THSD7B: variants seen among roughly 807,000 people sequenced by gnomAD.
THSD7B encodes thrombospondin type 1 domain containing 7B.
Under a neutral mutation model 213.6 loss-of-function variants are expected in THSD7B, and 138 were observed. That is an observed-to-expected ratio of 0.65 (90% confidence interval 0.56 to 0.74). The LOEUF (loss-of-function observed/expected upper bound fraction) is 0.74, where lower values mean the gene tolerates loss of function less well. THSD7B is among the 30% of genes least tolerant of loss of function. The pLI is 0.00. For missense variants in THSD7B, 1,931 were observed against 1,991.5 expected (o/e 0.97, Z 0.58); for synonymous variants, 742 against 687.0 (o/e 1.08, Z -1.25).
At chr2:137,315,369 T>C (rs887841769) in intron 12 of THSD7B, among the ~76,000 whole-genome samples, 4 of 152,146 alleles carry the variant, frequency 2.6e-5, no homozygotes, top group East Asian at 1.9e-4. Context: ...CTTCGGCTCA[T>C]GCACAGTGCG....
intron 12 of THSD7B, among the ~76,000 whole-genome samples, chr2:137,348,337 C>G (rs1338290676): frequency 6.6e-6 from 1 of 151,698 alleles, no homozygotes; most frequent in East Asian, 1.9e-4. Context: ...GACTGCAAGG[C>G]CAGATGTTCA....
At chr2:136,814,677 C>T (rs564628396) in intron 1 of THSD7B, among the ~76,000 whole-genome samples, 20 of 152,240 alleles carry the variant, frequency 1.3e-4, no homozygotes, top group Middle Eastern at 3.4e-3. Flanking sequence ...GGATTACAGA[C>T]GTGGTTTTAT....
rs1687179186 is a variant in THSD7B, at chr2:137,056,979, T to C, written c.699T>C (p.Pro233=). The C allele has an allele frequency of 1.7e-5, 27 of 1,613,934 alleles. No homozygotes were observed. The highest frequency in any genetic ancestry group is 2.3e-5 in the Non-Finnish European group (27 of 1,179,864). ...CCTGTGATGCTCCCATTTCCTGTCC[T>C]CTTGGGGAAGAGGAATATACATTTA... ...SRACDAPISC[P]LGEEEYTFSL... Residue 233 remains proline, a synonymous_variant, in exon 3 of 28, where the codon CCT becomes CCC. Coordinates refer to ENST00000409968, the MANE Select transcript of THSD7B (RefSeq NM_001316349.2).
At chr2:137,421,367 T>C (rs1322996193) in intron 14 of THSD7B, among the ~76,000 whole-genome samples, 1 of 152,186 alleles carries the variant, frequency 6.6e-6, no homozygotes, top group East Asian at 1.9e-4. Context: ...ACTCTGGGCC[T>C]CTGAAAATTC....
At position 136,833,543 on chromosome 2, in the gene THSD7B, G is replaced by C. The variant is rs545067277; in HGVS notation, c.-35-48601G>C. Among the ~76,000 whole-genome samples, 4 of 150,578 alleles carry C rather than the reference G, an allele frequency of 2.7e-5. No individual in the cohort carries two copies. In the East Asian group the frequency reaches 5.9e-4, roughly 22 times the overall value. On this transcript the variant is annotated intron_variant, in intron 1 of 27. Transcript: ENST00000409968. Reference sequence around the variant, plus strand: ...AATCTCTGCTGGGCGAACTATGAAGGGTCAAGTGTGGGTCATATAATTCAA... The same window carrying C: ...AATCTCTGCTGGGCGAACTATGAAGCGTCAAGTGTGGGTCATATAATTCAA...
chr2:136,864,687 G>A (rs1250212404), intron 1 of THSD7B, among the ~76,000 whole-genome samples: 2 of 152,046 alleles, frequency 1.3e-5, no homozygotes, highest in South Asian at 2.1e-4. Flanking sequence ...CGAGTAGCTG[G>A]GACCACAGGC....
chr2:137,399,167 A>G (rs1312879607), intron 12 of THSD7B, among the ~76,000 whole-genome samples: 4 of 148,944 alleles, frequency 2.7e-5, no homozygotes, highest in Non-Finnish European at 5.9e-5. Flanking sequence ...AGCTGTTCCT[A>G]TTCGGCCATC....
chr2:136,884,482 A>T (rs1055204920), intron 2 of THSD7B, among the ~76,000 whole-genome samples: 6 of 152,240 alleles, frequency 3.9e-5, no homozygotes, highest in Admixed American at 6.5e-5. Context: ...CATATCTGCC[A>T]GGCCTCCCAT....
rs565168296 is a variant in THSD7B, at chr2:137,237,481, G to A, written c.2150+4348G>A. Among the ~76,000 whole-genome samples the A allele has an allele frequency of 3.9e-5, 6 of 152,246 alleles. No individual in the cohort carries two copies. The South Asian group carries it at 6.2e-4, about 16-fold the overall frequency. On this transcript the variant is annotated intron_variant, in intron 9 of 27. Transcript: ENST00000409968. ...AGTCATTCACTTACTGTTACTAAAC[G>A]TTTACACTGAGCTAAATATGGGATT...
chr2:137,281,568 A>G (rs1250341078), intron 12 of THSD7B, among the ~76,000 whole-genome samples: 1 of 100,684 alleles, frequency 9.9e-6, no homozygotes, highest in African/African-American at 3.9e-5. Context: ...CCCACCCCAC[A>G]GCAGTCCCCG....
chr2:137,270,390 C>T (rs141135368), intron 10 of THSD7B, among the ~76,000 whole-genome samples: 182 of 152,248 alleles, frequency 1.2e-3, no homozygotes, highest in Middle Eastern at 3.4e-3. Context: ...CTATACATCT[C>T]CTTAACTTCC....
At chr2:136,988,570 G>T (rs1218855749) in intron 2 of THSD7B, among the ~76,000 whole-genome samples, 1 of 152,150 alleles carries the variant, frequency 6.6e-6, no homozygotes, top group Non-Finnish European at 1.5e-5. Context: ...GCTTCCAGCA[G>T]AGACCATCCT....
chr2:137,554,565 A>G (rs909504513), intron 15 of THSD7B, among the ~76,000 whole-genome samples: 20 of 152,130 alleles, frequency 1.3e-4, no homozygotes, highest in African/African-American at 4.3e-4. Context: ...AAAAGAGGGG[A>G]GGCGGTTCCA....
chr2:136,794,965 C>T lies in THSD7B; in HGVS notation c.-36+29278C>T, dbSNP rs540260867. 7.2e-5 allele frequency among the ~76,000 whole-genome samples: 11 copies of T among 152,032 alleles called. No individual in the cohort carries two copies. The Middle Eastern group carries it at 0.01, about 141-fold the overall frequency. On this transcript the variant is annotated intron_variant, in intron 1 of 27. Coordinates refer to ENST00000409968, the MANE Select transcript of THSD7B (RefSeq NM_001316349.2). ...CAAGAGTCTACTTTGTCTAGCATTA[C>T]TATAGCCATACCTGCTTTCTTGTGG...
At chr2:137,120,766 A>C (rs1688531516) in intron 5 of THSD7B, among the ~76,000 whole-genome samples, 1 of 152,208 alleles carries the variant, frequency 6.6e-6, no homozygotes, top group Non-Finnish European at 1.5e-5. Flanking sequence ...TTAGCGTGTC[A>C]CGCTACCTAG....
intron 2 of THSD7B, among the ~76,000 whole-genome samples, chr2:136,996,159 G>A (rs907157762): frequency 6.6e-6 from 1 of 152,188 alleles, no homozygotes; most frequent in Non-Finnish European, 1.5e-5. Context: ...TGCTGTAGCA[G>A]TAATTTCTAT....
chr2:137,085,980 T>G (rs1440797400), intron 3 of THSD7B, among the ~76,000 whole-genome samples: 2 of 152,340 alleles, frequency 1.3e-5, no homozygotes, highest in East Asian at 3.9e-4. Context: ...ATGTCTGTTG[T>G]CAACATCTAT....
At chr2:136,856,665 C>T (rs1016759376) in intron 1 of THSD7B, among the ~76,000 whole-genome samples, 1 of 152,092 alleles carries the variant, frequency 6.6e-6, no homozygotes, top group Non-Finnish European at 1.5e-5. Flanking sequence ...CAGGATTCCG[C>T]CACCACGCCT....
Position 137,394,008 on chromosome 2 carries a change from G to C in THSD7B, c.2501-11605G>C, listed in dbSNP as rs1245187682. Among the ~76,000 whole-genome samples the C allele has an allele frequency of 3.0e-5, 4 of 133,754 alleles. 1 individual carries two copies. Among genetic ancestry groups the C allele is most frequent in the Admixed American group, 3.0e-4 (4 of 13,472 alleles). 87.7% of individuals were successfully genotyped at this position (133,754 alleles called of 152,430 possible). On this transcript the variant is annotated intron_variant, in intron 12 of 27. Transcript: ENST00000409968. ...CCTTCACCCACTTTTTGATGGGGTT[G>C]TTTGTTTTTTTCTTGTAAATTTGTT...
Sources: gnomAD v4.1 joint callset for allele counts (sites outside exome capture counted in the v4.1 genomes callset) on GRCh38, gnomAD v4.1.1 for gene constraint, MANE v1.5 for transcripts, NCBI Gene and HGNC (gene_info 2026-07-23, HGNC 2026-07-21) for gene names.